The following FMNL2 variants were observed in gnomAD, a reference collection of about 807,000 sequenced individuals.
FMNL2 encodes the protein formin like 2.
A neutral mutation model predicts 130.2 loss-of-function variants in FMNL2; 51 were observed. The ratio of observed to expected loss-of-function variants is 0.39; its 90% confidence interval spans 0.31 to 0.49. The LOEUF (loss-of-function observed/expected upper bound fraction) is 0.49, where lower values mean the gene tolerates loss of function less well. Among genes scored for constraint, FMNL2 ranks in the 20% least tolerant of loss-of-function variants. FMNL2 has a pLI of 0.85. For missense variants in FMNL2, 977 were observed against 1,316.2 expected (o/e 0.74, Z 3.99); for synonymous variants, 465 against 467.1 (o/e 1.00, Z 0.06).
chr2:152,358,259 C>A (rs1682954800), intron 1 of FMNL2, among the ~76,000 whole-genome samples: 1 of 152,188 alleles, frequency 6.6e-6, no homozygotes, highest in South Asian at 2.1e-4. Flanking sequence ...CTATCAGCTT[C>A]CCTACTTTAG....
At chr2:152,437,503 G>A (rs1388458828) in intron 1 of FMNL2, among the ~76,000 whole-genome samples, 2 of 152,194 alleles carry the variant, frequency 1.3e-5, no homozygotes, top group African/African-American at 4.8e-5. Flanking sequence ...CTCTAGCCCA[G>A]CAATAATGGT....
In FMNL2 at chr2:152,375,841, G is replaced by A. The variant is rs549464115; in HGVS notation, c.117+40121G>A. ...GACATTTCAAGTACTATAACATTTA[G>A]CCATTGAAGCTCTCTCTCTCTCTCT... On this transcript the variant is annotated intron_variant, in intron 1 of 25. Coordinates refer to ENST00000288670, the MANE Select transcript of FMNL2 (RefSeq NM_052905.4). 7.5e-4 allele frequency among the ~76,000 whole-genome samples: 99 copies of A among 131,808 alleles called. 3 individuals are homozygous for A. The South Asian group carries it at 0.025, about 33-fold the overall frequency. 86.5% of individuals were successfully genotyped at this position (131,808 alleles called of 152,430 possible). A position where few individuals can be genotyped will look rare whatever the true frequency, so the allele number is the denominator to read the frequency against.
intron 10 of FMNL2, among the ~76,000 whole-genome samples, chr2:152,608,999 T>C (rs1381782137): frequency 6.6e-6 from 1 of 152,176 alleles, no homozygotes; most frequent in Non-Finnish European, 1.5e-5. Context: ...TCCAAAGATG[T>C]CCTCTCTAGT....
intron 1 of FMNL2, among the ~76,000 whole-genome samples, chr2:152,471,838 T>C (rs16831163): frequency 0.032 from 4,801 of 152,236 alleles, 255 homozygotes; most frequent in African/African-American, 0.11. Flanking sequence ...TTTAACCCAG[T>C]GTTTCTCAGG....
intron 1 of FMNL2, among the ~76,000 whole-genome samples, chr2:152,391,810 C>CTATATGG (rs887270027): frequency 2.4e-5 from 2 of 82,482 alleles, no homozygotes; most frequent in African/African-American, 6.7e-5. Flanking sequence ...CTCCTAAACT[C>CTATATGG]TATATGTTCT....
At chr2:152,617,217 CAG>C (rs765735888) in intron 13 of FMNL2, 25 bp downstream of exon 13, 3 of 1,603,294 alleles carry the variant, frequency 1.9e-6, no homozygotes, top group African/African-American at 2.7e-5. Context: ...GACAACTGCC[CAG>C]ATGGGCACGG....
At chr2:152,356,541 G>GT (rs916093859) in intron 1 of FMNL2, among the ~76,000 whole-genome samples, 17 of 152,174 alleles carry the variant, frequency 1.1e-4, no homozygotes, top group African/African-American at 3.6e-4. Flanking sequence ...TGATAAAAAT[G>GT]TATCTGTAAC....
At chr2:152,390,298 G>A (rs1685039422) in intron 1 of FMNL2, 1 of 1,304,946 alleles carries the variant, frequency 7.7e-7, no homozygotes, top group Non-Finnish European at 1.1e-6. Context: ...ATCATCGATG[G>A]GGAGCTCTAC....
chr2:152,362,808 T>A (rs1683255015), intron 1 of FMNL2, among the ~76,000 whole-genome samples: 1 of 152,220 alleles, frequency 6.6e-6, no homozygotes, highest in South Asian at 2.1e-4. Context: ...GATGACTAGA[T>A]AAACCAAATG....
chr2:152,605,231 C>T (rs1698298428), intron 9 of FMNL2, among the ~76,000 whole-genome samples: 1 of 152,048 alleles, frequency 6.6e-6, no homozygotes, highest in Non-Finnish European at 1.5e-5. Context: ...TGCCCGTGTC[C>T]CCCCAGCACC....
chr2:152,614,637 G>A (rs1403398613), intron 11 of FMNL2, among the ~76,000 whole-genome samples: 1 of 152,218 alleles, frequency 6.6e-6, no homozygotes, highest in Non-Finnish European at 1.5e-5. Context: ...CAGCTACTTG[G>A]GAGGCTGAGA....
Position 152,628,420 on chromosome 2 carries a change from T to C in FMNL2, c.2287T>C (p.Ser763Pro). Residue 763 changes from serine (S) to proline (P), a missense_variant, in exon 18 of 26, where the codon TCA (serine) becomes CCA (proline). This residue lies in a region of FMNL2 where 689 missense variants were observed against 995.9 expected (regional missense o/e 0.69). Coordinates refer to ENST00000288670, the MANE Select transcript of FMNL2 (RefSeq NM_052905.4). ...ERERKPLENL[S>P]DEDRFMMQFS... Reference sequence around the variant, plus strand: ...GGAAAGGAAGCCTCTGGAAAACTTGTCAGATGAAGATCGGTTCATGATGCA... The same window carrying C: ...GGAAAGGAAGCCTCTGGAAAACTTGCCAGATGAAGATCGGTTCATGATGCA... 1 of 1,614,048 alleles carries C rather than the reference T, an allele frequency of 6.2e-7. No homozygotes were observed. Among genetic ancestry groups the C allele is most frequent in the Non-Finnish European group, 8.5e-7 (1 of 1,179,904 alleles).
chr2:152,597,727 A>T (rs1697843180), intron 9 of FMNL2, among the ~76,000 whole-genome samples: 1 of 152,166 alleles, frequency 6.6e-6, no homozygotes, highest in Admixed American at 6.5e-5. Flanking sequence ...TGCCCTCACA[A>T]ACCTCATAAA....
At chr2:152,437,612 T>C (rs1687834734) in intron 1 of FMNL2, among the ~76,000 whole-genome samples, 1 of 152,154 alleles carries the variant, frequency 6.6e-6, no homozygotes, top group African/African-American at 2.4e-5. Context: ...CTTTTTACAG[T>C]CTATCAGTTT....
intron 1 of FMNL2, among the ~76,000 whole-genome samples, chr2:152,430,276 G>T (rs1031219164): frequency 6.6e-6 from 1 of 152,132 alleles, no homozygotes; most frequent in African/African-American, 2.4e-5. Flanking sequence ...TAGAACTTGC[G>T]ACCAGGCTAT....
chr2:152,461,091 A>T (rs928243705), intron 1 of FMNL2, among the ~76,000 whole-genome samples: 6 of 152,152 alleles, frequency 3.9e-5, no homozygotes, highest in African/African-American at 1.4e-4. Context: ...ATAAGAAAAG[A>T]GTAATATGAC....
chr2:152,597,888 G>A (rs1288176597), intron 9 of FMNL2, among the ~76,000 whole-genome samples: 1 of 152,234 alleles, frequency 6.6e-6, no homozygotes, highest in Non-Finnish European at 1.5e-5. Context: ...GACTGTGGGT[G>A]TTAGGGTGAA....
chr2:152,554,319 A>T (rs1473675628), intron 4 of FMNL2, among the ~76,000 whole-genome samples: 1 of 152,184 alleles, frequency 6.6e-6, no homozygotes, highest in Admixed American at 6.5e-5. Flanking sequence ...AGGTAGGAGG[A>T]TCACTTGAGC....
chr2:152,645,835 GA>G (rs1341703102), intron 25 of FMNL2, among the ~76,000 whole-genome samples: 4 of 152,168 alleles, frequency 2.6e-5, no homozygotes, highest in African/African-American at 9.7e-5. Flanking sequence ...TGAAGCGACT[GA>G]AAGCAGGTCC....
Sources: allele counts gnomAD v4.1 joint callset (sites outside exome capture counted in the v4.1 genomes callset), GRCh38; gene constraint gnomAD v4.1.1; regional missense constraint gnomAD v4.1.1; transcripts MANE v1.5; gene names NCBI Gene and HGNC (gene_info 2026-07-23, HGNC 2026-07-21).